MARK3: variants seen among roughly 807,000 people sequenced by gnomAD.
The protein encoded by MARK3 is MAP/microtubule affinity-regulating kinase 3.
In MARK3, 46 loss-of-function variants were observed where a neutral mutation model predicts 90.1. That is an observed-to-expected ratio of 0.51 (90% CI 0.40 to 0.65). The LOEUF is 0.65. MARK3 is among the 30% of genes least tolerant of loss of function. MARK3 has a pLI of 0.00. For missense variants in MARK3, 818 were observed against 947.2 expected, an observed-to-expected ratio of 0.86 and a Z score of 1.79; for synonymous variants, 321 against 332.6, an observed-to-expected ratio of 0.97 and a Z score of 0.38.
chr14:103,398,784 A>G (rs1178587793), intron 1 of MARK3, among the ~76,000 whole-genome samples: 3 of 152,252 alleles, frequency 2.0e-5, no homozygotes, highest in Admixed American at 1.3e-4. Context: ...GAATATTTCT[A>G]AAGTACAAAA....
chr14:103,393,497 A>G (rs1291320082), intron 1 of MARK3, among the ~76,000 whole-genome samples: 1 of 152,208 alleles, frequency 6.6e-6, no homozygotes, highest in African/African-American at 2.4e-5. Context: ...ATTCATGAAA[A>G]TATTTAGTCA....
chr14:103,501,168 C>T (rs1452095769), intron 17 of MARK3, among the ~76,000 whole-genome samples: 2 of 152,226 alleles, frequency 1.3e-5, no homozygotes, highest in East Asian at 1.9e-4. Flanking sequence ...TTTCACCTGG[C>T]CACGTCCCTG....
chr14:103,461,895 G>A (rs1400617693), intron 6 of MARK3, among the ~76,000 whole-genome samples: 1 of 152,112 alleles, frequency 6.6e-6, no homozygotes, highest in Non-Finnish European at 1.5e-5. Context: ...AATTGGCCGG[G>A]CATGGTGGTG....
At chr14:103,500,443 C>T (rs762630522) in intron 17 of MARK3, among the ~76,000 whole-genome samples, 3 of 152,236 alleles carry the variant, frequency 2.0e-5, no homozygotes, top group East Asian at 3.9e-4. Context: ...CCTGCCTGGG[C>T]GTTAACAGCC....
rs117200555 is a variant in MARK3 at position 103,386,937 on chromosome 14, C to G, written c.51+857C>G. On this transcript the variant is annotated intron_variant, in intron 1 of 17. Coordinates refer to ENST00000429436, the MANE Select transcript of MARK3 (RefSeq NM_001128918.3). The stretch of plus-strand genomic sequence containing the variant: ...AGAATGAGAACTTGTAGTAGAAATT[C>G]CATTGAAGAAACGTTTGACTCTGTT... Among the ~76,000 whole-genome samples the G allele has an allele frequency of 1.0e-3, 158 of 152,342 alleles. 5 individuals are homozygous for G. In the East Asian group the frequency reaches 0.026, roughly 25 times the overall value.
At chr14:103,431,691 C>G (rs886559037) in intron 3 of MARK3, among the ~76,000 whole-genome samples, 5 of 152,164 alleles carry the variant, frequency 3.3e-5, no homozygotes, top group Non-Finnish European at 7.4e-5. Context: ...GGGATGGAGA[C>G]ACACTCCTTC....
rs2273699 is a variant in MARK3, at chr14:103,457,138, A to G, written c.413-4A>G. 0.33 allele frequency: 526,415 copies of G among 1,572,776 alleles called. 91,062 individuals are homozygous for G. Among genetic ancestry groups the G allele is most frequent in the Middle Eastern group, 0.44 (2,474 of 5,644 alleles). The stretch of plus-strand genomic sequence containing the variant: ...CTACTTACTTTTATTTCTCTCACCT[A>G]TAGGTGAAGTATTTGACTATTTGGT... On this transcript the variant is annotated splice_region_variant and splice_polypyrimidine_tract_variant and intron_variant, in intron 5 of 17. Transcript: ENST00000429436.
intron 2 of MARK3, among the ~76,000 whole-genome samples, chr14:103,414,586 A>G (rs778890837): frequency 6.6e-6 from 1 of 152,184 alleles, no homozygotes; most frequent in Non-Finnish European, 1.5e-5. Flanking sequence ...TATCTTGCCT[A>G]TTGAAGAACT....
Position 103,480,396 on chromosome 14 carries a change from G to A in MARK3, c.1492G>A (p.Ala498Thr). 1 of 1,608,808 alleles carries A rather than the reference G, an allele frequency of 6.2e-7. No homozygotes were observed. The highest frequency in any genetic ancestry group is 1.1e-5 in the South Asian group (1 of 90,836). The change falls in exon 14 of 18, where the codon GCA becomes ACA. Residue 498 changes from alanine to threonine, a missense_variant. By Grantham distance (58) the Ala-to-Thr change is moderately conservative. Coordinates refer to ENST00000429436, the MANE Select transcript of MARK3 (RefSeq NM_001128918.3). ...KSSTVPSSNTASGGMTRRNTY... is the reference protein window; with the variant it reads ...KSSTVPSSNTTSGGMTRRNTY... ...ATGCCCTTTTTTATAGAGTAACACA[G>A]CATCTGGTGGAATGACACGACGAAA...
intron 2 of MARK3, among the ~76,000 whole-genome samples, chr14:103,426,116 GTC>G (rs755278288): frequency 5.9e-5 from 9 of 152,082 alleles, no homozygotes; most frequent in Non-Finnish European, 1.0e-4. Flanking sequence ...TTTTCATTCT[GTC>G]TCTCACAAGT....
intron 14 of MARK3, among the ~76,000 whole-genome samples, chr14:103,480,983 A>G (rs1336023690): frequency 1.3e-5 from 2 of 152,212 alleles, no homozygotes; most frequent in Middle Eastern, 3.2e-3. Context: ...AGAGAAGTGG[A>G]AAGTCCAGCC....
chr14:103,465,964 C>T lies in MARK3; in HGVS notation c.778-8C>T. The T allele has an allele frequency of 6.2e-7, 1 of 1,611,320 alleles. No homozygotes were observed. The highest frequency in any genetic ancestry group is 8.5e-7 in the Non-Finnish European group (1 of 1,179,132). ...TACTCGTTTTCTTTCCTCTGTACCT[C>T]TCCAAAGGAACTGAGAGAGAGAGTA... On this transcript the variant is annotated splice_polypyrimidine_tract_variant and splice_region_variant and intron_variant, in intron 8 of 17. Coordinates refer to ENST00000429436, the MANE Select transcript of MARK3 (RefSeq NM_001128918.3).
At chr14:103,388,279 T>A (rs949424422) in intron 1 of MARK3, among the ~76,000 whole-genome samples, 15 of 152,266 alleles carry the variant, frequency 9.9e-5, no homozygotes, top group Non-Finnish European at 4.4e-5. Flanking sequence ...AAATCAAGTT[T>A]ATCACACATC....
chr14:103,390,175 G>A (rs897301914), intron 1 of MARK3, among the ~76,000 whole-genome samples: 3 of 151,950 alleles, frequency 2.0e-5, no homozygotes, highest in Non-Finnish European at 4.4e-5. Flanking sequence ...GTGATCCCGG[G>A]AGGCGGAGCT....
At chr14:103,410,382 A>G (rs914246428) in intron 2 of MARK3, among the ~76,000 whole-genome samples, 5 of 152,220 alleles carry the variant, frequency 3.3e-5, no homozygotes, top group African/African-American at 4.8e-5. Flanking sequence ...TGCAACAGCA[A>G]TTACGTTTCA....
Position 103,491,933 on chromosome 14 carries a change from T to C in MARK3, c.1743T>C (p.Pro581=), listed in dbSNP as rs779759248. The C allele has an allele frequency of 3.8e-5, 62 of 1,614,036 alleles. 1 individual carries two copies. In the South Asian group the frequency reaches 4.3e-4, roughly 11 times the overall value. ...ERRTATYNGP[P]ASPSLSHEAT... is the part of the protein sequence containing the mutation. ...GAACCGCAACATATAATGGCCCTCC[T>C]GCCTCTCCCAGCCTGTCCCATGAAG... The change falls in exon 15 of 18, where the codon CCT becomes CCC. Residue 581 remains proline (P), a synonymous_variant. Transcript: ENST00000429436.
chr14:103,495,080 G>A (rs1235398637), intron 15 of MARK3, among the ~76,000 whole-genome samples: 1 of 152,114 alleles, frequency 6.6e-6, no homozygotes. Flanking sequence ...ACATGTACAA[G>A]TGTGCACACA....
At chr14:103,448,788 A>G (rs1006164237) in intron 3 of MARK3, 131 bp from the exon 4 acceptor site, 4 of 871,924 alleles carry the variant, frequency 4.6e-6, no homozygotes, top group African/African-American at 3.5e-5. Flanking sequence ...AGTCTTAGAT[A>G]TGGATTAATA....
At chr14:103,423,329 G>C (rs571366969) in intron 2 of MARK3, among the ~76,000 whole-genome samples, 6 of 151,004 alleles carry the variant, frequency 4.0e-5, no homozygotes, top group Non-Finnish European at 8.8e-5. Context: ...TTCTCCAGTG[G>C]GTGTTTGCTG....
Sources: gnomAD v4.1 joint callset for allele counts (sites outside exome capture counted in the v4.1 genomes callset) on GRCh38, gnomAD v4.1.1 for gene constraint, MANE v1.5 for transcripts, NCBI Gene and HGNC (gene_info 2026-07-23, HGNC 2026-07-21) for gene names.